MED12L: variants seen among roughly 807,000 people sequenced by gnomAD.
MED12L encodes mediator of RNA polymerase II transcription subunit 12-like protein.
Under a neutral mutation model 281.3 loss-of-function variants are expected in MED12L, and 60 were observed. That is an observed-to-expected ratio of 0.21 (90% confidence interval 0.17 to 0.26). The LOEUF (loss-of-function observed/expected upper bound fraction) is 0.26. MED12L is among the 10% of genes least tolerant of loss of function. The pLI, the probability that MED12L is intolerant of heterozygous loss-of-function variation, is 1.00. For missense variants in MED12L, 2,146 were observed against 2,680.9 expected, an observed-to-expected ratio of 0.80 and a Z score of 4.41; for synonymous variants, 974 against 987.2, an observed-to-expected ratio of 0.99 and a Z score of 0.25.
chr3:151,386,687 T>C (rs888405052), intron 36 of MED12L, among the ~76,000 whole-genome samples: 1 of 151,558 alleles, frequency 6.6e-6, no homozygotes, highest in African/African-American at 2.4e-5. Flanking sequence ...AGCAATTCTC[T>C]GCCTCAGCCT....
intron 16 of MED12L, among the ~76,000 whole-genome samples, chr3:151,280,997 G>T (rs1559977124): frequency 1.3e-5 from 2 of 152,024 alleles, no homozygotes; most frequent in Non-Finnish European, 2.9e-5. Flanking sequence ...AGTTTAGCTT[G>T]TACACATTTT....
intron 25 of MED12L, among the ~76,000 whole-genome samples, chr3:151,369,125 G>T (rs555571327): frequency 1.1e-4 from 16 of 152,252 alleles, no homozygotes; most frequent in Non-Finnish European, 2.1e-4. Context: ...GGTGAAGTCT[G>T]CTCCTAAAGA....
chr3:151,378,425 A>G (rs1711616423), intron 31 of MED12L, among the ~76,000 whole-genome samples: 1 of 152,194 alleles, frequency 6.6e-6, no homozygotes, highest in Non-Finnish European at 1.5e-5. Flanking sequence ...GTGATTTCCG[A>G]GACCCGCTTT....
At chr3:151,273,566 G>T (rs1035157353) in intron 16 of MED12L, among the ~76,000 whole-genome samples, 10 of 151,926 alleles carry the variant, frequency 6.6e-5, no homozygotes, top group Non-Finnish European at 1.3e-4. Context: ...GCCAATTACT[G>T]TTCTGGGTAA....
chr3:151,118,427 G>A (rs936229952), intron 3 of MED12L, among the ~76,000 whole-genome samples: 3 of 152,110 alleles, frequency 2.0e-5, no homozygotes, highest in Non-Finnish European at 2.9e-5. Flanking sequence ...TAGTCCTATT[G>A]ACTAAACACG....
At chr3:151,085,998 G>A (rs1329889376) in intron 1 of MED12L, 62 bp downstream of exon 1, 1 of 152,324 alleles carries the variant, frequency 6.6e-6, no homozygotes, top group Non-Finnish European at 1.5e-5. Flanking sequence ...GAGGCGGCGG[G>A]CTGGAGGAGC....
At chr3:151,112,702 A>G (rs1215413640) in intron 2 of MED12L, among the ~76,000 whole-genome samples, 1 of 152,234 alleles carries the variant, frequency 6.6e-6, no homozygotes, top group Non-Finnish European at 1.5e-5. Context: ...ATTTCACACT[A>G]GGGAAATCGA....
intron 16 of MED12L, among the ~76,000 whole-genome samples, chr3:151,281,340 G>T (rs1742783814): frequency 6.6e-6 from 1 of 151,884 alleles, no homozygotes; most frequent in African/African-American, 2.4e-5. Context: ...AACCCGGGAG[G>T]TGGAAGTTGC....
intron 37 of MED12L, among the ~76,000 whole-genome samples, 191 bp from the exon 38 acceptor site, chr3:151,389,788 A>G (rs960201663): frequency 6.6e-6 from 1 of 152,198 alleles, no homozygotes; most frequent in Non-Finnish European, 1.5e-5. Context: ...GTTTAAGTCA[A>G]GGAAAAGTTT....
chr3:151,348,322 G>A (rs1442790563), intron 16 of MED12L, among the ~76,000 whole-genome samples: 1 of 113,496 alleles, frequency 8.8e-6, no homozygotes, highest in Non-Finnish European at 1.7e-5. Context: ...GGGTTCATAT[G>A]TACACAAACC....
chr3:151,358,221 T>G (rs1754174749), intron 20 of MED12L, among the ~76,000 whole-genome samples: 1 of 152,158 alleles, frequency 6.6e-6, no homozygotes, highest in South Asian at 2.1e-4. Context: ...TTGTATTAAT[T>G]ACATGTTATG....
At chr3:151,399,359 T>C (rs910546978) in intron 39 of MED12L, among the ~76,000 whole-genome samples, 1 of 152,242 alleles carries the variant, frequency 6.6e-6, no homozygotes, top group South Asian at 2.1e-4. Flanking sequence ...TATTATTTTC[T>C]TAAATATGTT....
chr3:151,154,468 G>A (rs1237295131), intron 5 of MED12L, among the ~76,000 whole-genome samples: 2 of 152,108 alleles, frequency 1.3e-5, no homozygotes, highest in Non-Finnish European at 2.9e-5. Context: ...CATGTCTGCA[G>A]TATAAATTTT....
At chr3:151,243,122 G>T (rs930821681) in intron 16 of MED12L, among the ~76,000 whole-genome samples, 5 of 152,000 alleles carry the variant, frequency 3.3e-5, no homozygotes, top group Admixed American at 2.6e-4. Flanking sequence ...TGTGTGAAAA[G>T]ACCAAATCTA....
intron 16 of MED12L, among the ~76,000 whole-genome samples, chr3:151,196,334 T>C (rs542463615): frequency 6.6e-6 from 1 of 152,320 alleles, no homozygotes; most frequent in South Asian, 2.1e-4. Context: ...TATGCTAATA[T>C]AACACTGACT....
At chr3:151,328,548 A>C in intron 16 of MED12L, 1 of 1,613,966 alleles carries the variant, frequency 6.2e-7, no homozygotes, top group Non-Finnish European at 8.5e-7. Flanking sequence ...AAGAACAAAA[A>C]GAACCAGATG....
intron 43 of MED12L, among the ~76,000 whole-genome samples, chr3:151,423,949 T>C (rs910173417): frequency 6.6e-6 from 1 of 152,244 alleles, no homozygotes; most frequent in Admixed American, 6.5e-5. Flanking sequence ...AAAATATGCA[T>C]AATGGTAGCA....
At chr3:151,319,791 T>A (rs767891328) in intron 16 of MED12L, among the ~76,000 whole-genome samples, 1 of 152,088 alleles carries the variant, frequency 6.6e-6, no homozygotes, top group Non-Finnish European at 1.5e-5. Context: ...AACTCTTTAC[T>A]CAAAATACAA....
chr3:151,096,208 T>G (rs1720688416), intron 2 of MED12L, among the ~76,000 whole-genome samples: 1 of 152,234 alleles, frequency 6.6e-6, no homozygotes, highest in Non-Finnish European at 1.5e-5. Flanking sequence ...AAACTGACCT[T>G]GGGACCACTT....
Sources: allele counts gnomAD v4.1 joint callset (sites outside exome capture counted in the v4.1 genomes callset), GRCh38; gene constraint gnomAD v4.1.1; transcripts MANE v1.5; gene names NCBI Gene and HGNC (gene_info 2026-07-23, HGNC 2026-07-21).